LHFPL3: variants seen among roughly 807,000 people sequenced by gnomAD.
LHFPL3 encodes the protein LHFPL tetraspan subfamily member 3 protein.
A neutral mutation model predicts 19.3 loss-of-function variants in LHFPL3; 5 were observed. That is an observed-to-expected ratio of 0.26 (90% CI 0.14 to 0.54). The LOEUF (loss-of-function observed/expected upper bound fraction) is 0.54, where lower values mean the gene tolerates loss of function less well. Ranked by LOEUF, LHFPL3 falls within the 20% of genes least tolerant of loss-of-function variation. The pLI, the probability that LHFPL3 is intolerant of heterozygous loss-of-function variation, is 0.94. For synonymous variants in LHFPL3, 133 were observed against 126.2 expected (o/e 1.05, Z -0.36); for missense variants, 249 against 307.4 (o/e 0.81, Z 1.42).
At chr7:104,694,417 T>C (rs1240216719) in intron 1 of LHFPL3, among the ~76,000 whole-genome samples, 1 of 152,214 alleles carries the variant, frequency 6.6e-6, no homozygotes, top group Non-Finnish European at 1.5e-5. Flanking sequence ...ATAGTCTTAG[T>C]CTGCAGATAC....
intron 1 of LHFPL3, among the ~76,000 whole-genome samples, chr7:104,353,361 G>C (rs1479946132): frequency 6.6e-6 from 1 of 152,148 alleles, no homozygotes; most frequent in Admixed American, 6.5e-5. Flanking sequence ...GGATGGTAAG[G>C]TATCCAAGGG....
At chr7:104,483,097 G>A (rs11760238) in intron 1 of LHFPL3, among the ~76,000 whole-genome samples, 57,806 of 152,052 alleles carry the variant, frequency 0.38, 11,956 homozygotes, top group Middle Eastern at 0.52. Context: ...CAAAATGGAT[G>A]GAAGTCACTA....
chr7:104,820,795 A>G (rs1182546121), intron 2 of LHFPL3, among the ~76,000 whole-genome samples: 1 of 152,142 alleles, frequency 6.6e-6, no homozygotes, highest in African/African-American at 2.4e-5. Context: ...TCCTGGCTAT[A>G]TCCTCTGCAG....
intron 1 of LHFPL3, among the ~76,000 whole-genome samples, chr7:104,450,577 G>GT (rs1487005745): frequency 3.9e-5 from 6 of 152,038 alleles, no homozygotes; most frequent in African/African-American, 1.4e-4. Context: ...CTGACAGGGG[G>GT]TGGGGGACTG....
At chr7:104,413,584 G>C (rs1377681318) in intron 1 of LHFPL3, among the ~76,000 whole-genome samples, 2 of 152,116 alleles carry the variant, frequency 1.3e-5, no homozygotes, top group African/African-American at 4.8e-5. Context: ...AGGTGGAGTG[G>C]GAATGGAACC....
At chr7:104,351,467 T>G (rs1343436340) in intron 1 of LHFPL3, among the ~76,000 whole-genome samples, 1 of 152,156 alleles carries the variant, frequency 6.6e-6, no homozygotes. Context: ...TTTGAAAAGT[T>G]TTTCTACTTT....
intron 1 of LHFPL3, among the ~76,000 whole-genome samples, chr7:104,438,850 A>G (rs537882145): frequency 6.4e-4 from 97 of 152,290 alleles, no homozygotes; most frequent in Middle Eastern, 3.4e-3. Flanking sequence ...AATCTCTATC[A>G]AAACTGTGCA....
At chr7:104,548,826 A>G (rs908534396) in intron 1 of LHFPL3, among the ~76,000 whole-genome samples, 1 of 152,154 alleles carries the variant, frequency 6.6e-6, no homozygotes, top group Admixed American at 6.6e-5. Context: ...CAGCCTAGGG[A>G]GGATTTGAGG....
intron 2 of LHFPL3, among the ~76,000 whole-genome samples, chr7:104,871,840 T>A (rs2084178529): frequency 6.6e-6 from 1 of 151,952 alleles, no homozygotes; most frequent in Non-Finnish European, 1.5e-5. Context: ...GTATTTTTAG[T>A]AGAGACAGGG....
intron 1 of LHFPL3, among the ~76,000 whole-genome samples, chr7:104,365,446 T>TA (rs1790467637): frequency 6.6e-6 from 1 of 151,308 alleles, no homozygotes; most frequent in South Asian, 2.1e-4. Context: ...TTTTGTGATT[T>TA]TTTTTTTAAG....
At chr7:104,820,122 T>C (rs1217090518) in intron 2 of LHFPL3, among the ~76,000 whole-genome samples, 1 of 152,086 alleles carries the variant, frequency 6.6e-6, no homozygotes, top group East Asian at 1.9e-4. Flanking sequence ...CATCTGGACA[T>C]GTTATATCTG....
At chr7:104,471,363 T>C (rs1369912600) in intron 1 of LHFPL3, among the ~76,000 whole-genome samples, 1 of 152,204 alleles carries the variant, frequency 6.6e-6, no homozygotes, top group African/African-American at 2.4e-5. Context: ...CTTTCCCTGT[T>C]GAAACAAAGC....
intron 1 of LHFPL3, among the ~76,000 whole-genome samples, chr7:104,693,880 C>T (rs1792951822): frequency 6.6e-6 from 1 of 151,862 alleles, no homozygotes; most frequent in Non-Finnish European, 1.5e-5. Flanking sequence ...ATCCGCCTGC[C>T]TGGGCCTCCC....
At chr7:104,337,225 T>C (rs1789828561) in intron 1 of LHFPL3, among the ~76,000 whole-genome samples, 5 of 152,070 alleles carry the variant, frequency 3.3e-5, no homozygotes, top group Admixed American at 3.3e-4. Flanking sequence ...CAAATCCAGC[T>C]GTGAAGAATG....
At chr7:104,671,583 A>G (rs868558887) in intron 1 of LHFPL3, among the ~76,000 whole-genome samples, 3 of 150,306 alleles carry the variant, frequency 2.0e-5, no homozygotes, top group Non-Finnish European at 4.4e-5. Context: ...AAAAAAAAAA[A>G]AAAGAAAGAA....
chr7:104,836,014 G>A (rs1293621102), intron 2 of LHFPL3, among the ~76,000 whole-genome samples: 1 of 151,898 alleles, frequency 6.6e-6, no homozygotes, highest in African/African-American at 2.4e-5. Flanking sequence ...ATTTATCCTG[G>A]GTAGTGTGCT....
At chr7:104,606,529 A>G (rs1344819489) in intron 1 of LHFPL3, among the ~76,000 whole-genome samples, 1 of 152,218 alleles carries the variant, frequency 6.6e-6, no homozygotes, top group East Asian at 1.9e-4. Flanking sequence ...GAAGATAATG[A>G]TAATACCACT....
At chr7:104,672,404 T>C (rs1307871279) in intron 1 of LHFPL3, among the ~76,000 whole-genome samples, 1 of 152,230 alleles carries the variant, frequency 6.6e-6, no homozygotes, top group African/African-American at 2.4e-5. Flanking sequence ...CTAGTTCATC[T>C]TGGTGTTCTC....
chr7:104,461,727 A>T lies in LHFPL3; in HGVS notation c.445+132503A>T, dbSNP rs564529121. ...GATGCTTCCATCTTTGTTCTTGGTT[A>T]TTTGGGCTCTTTTTTTGGTTCCATA... On this transcript the variant is annotated intron_variant, in intron 1 of 2. Coordinates refer to ENST00000424859, the MANE Select transcript of LHFPL3 (RefSeq NM_199000.3). Among the ~76,000 whole-genome samples the T allele has an allele frequency of 2.0e-5, 3 of 152,020 alleles. No homozygotes were observed. The South Asian group carries it at 6.2e-4, about 32-fold the overall frequency.
Sources: allele counts gnomAD v4.1 joint callset (sites outside exome capture counted in the v4.1 genomes callset), GRCh38; gene constraint gnomAD v4.1.1; transcripts MANE v1.5; gene names NCBI Gene and HGNC (gene_info 2026-07-23, HGNC 2026-07-21).